PDE4D: variants seen among roughly 807,000 people sequenced by gnomAD.
PDE4D encodes the protein phosphodiesterase 4D, also known as 3',5'-cyclic-AMP phosphodiesterase 4D.
PDE4D carries 24 observed loss-of-function variants against 87.4 expected under a neutral mutation model. That is an observed-to-expected ratio of 0.27 (90% CI 0.20 to 0.39). The LOEUF (loss-of-function observed/expected upper bound fraction) is 0.39, where lower values mean the gene tolerates loss of function less well. Ranked by LOEUF, PDE4D falls within the 10% of genes least tolerant of loss-of-function variation. PDE4D has a pLI of 1.00. For synonymous variants in PDE4D, 384 were observed against 383.2 expected (o/e 1.00, Z -0.02); for missense variants, 714 against 1,041.0 (o/e 0.69, Z 4.32).
chr5:59,001,851 G>C (rs1031984736), intron 6 of PDE4D, among the ~76,000 whole-genome samples: 11 of 152,286 alleles, frequency 7.2e-5, no homozygotes, highest in Middle Eastern at 3.4e-3. Flanking sequence ...ATTTCTTCCA[G>C]TATCTCAGAT....
At chr5:60,171,717 T>A (rs1357003048) in intron 2 of PDE4D, among the ~76,000 whole-genome samples, 1 of 152,090 alleles carries the variant, frequency 6.6e-6, no homozygotes, top group African/African-American at 2.4e-5. Context: ...TGGCCACTTA[T>A]CTTGGAGAAA....
intron 1 of PDE4D, among the ~76,000 whole-genome samples, chr5:59,865,736 CTATTATT>C (rs1267980647): frequency 6.6e-6 from 1 of 152,150 alleles, no homozygotes; most frequent in Admixed American, 6.5e-5. Flanking sequence ...TGATGACAAA[CTATTATT>C]TATTGAGTGC....
At position 60,422,688 on chromosome 5, in the gene PDE4D, A is replaced by G. The variant is rs535552047; in HGVS notation, c.-90+65254T>C. Among the ~76,000 whole-genome samples the G allele has an allele frequency of 2.4e-4, 36 of 152,340 alleles. 2 individuals are homozygous for G. In the South Asian group the frequency reaches 7.1e-3, roughly 30 times the overall value. On this transcript the variant is annotated intron_variant, in intron 1 of 16. Transcript: ENST00000502484. ...CATAATGACAGGATCAAATTCACAC[A>G]TAACAATATTAACCTTAAATGTAAA...
At chr5:60,428,777 G>A (rs1364803342) in intron 1 of PDE4D, among the ~76,000 whole-genome samples, 2 of 152,158 alleles carry the variant, frequency 1.3e-5, no homozygotes, top group Non-Finnish European at 2.9e-5. Flanking sequence ...TTACCATTGT[G>A]TTACCAATGC....
chr5:60,392,440 C>T (rs1004221026), intron 1 of PDE4D, among the ~76,000 whole-genome samples: 6 of 152,190 alleles, frequency 3.9e-5, no homozygotes, highest in African/African-American at 1.2e-4. Flanking sequence ...GTAAGCCTCA[C>T]CTCTTTCATT....
At chr5:59,245,087 G>A (rs1758580230) in intron 1 of PDE4D, among the ~76,000 whole-genome samples, 1 of 152,034 alleles carries the variant, frequency 6.6e-6, no homozygotes, top group South Asian at 2.1e-4. Flanking sequence ...GCAAGGTGAA[G>A]CATATCTGCA....
rs564558286 is a variant in PDE4D at position 60,121,391 on chromosome 5, G to A, written c.42+64166C>T. 7.2e-5 allele frequency among the ~76,000 whole-genome samples: 11 copies of A among 152,028 alleles called. No individual in the cohort carries two copies. In the South Asian group the frequency reaches 1.9e-3, roughly 26 times the overall value. On this transcript the variant is annotated intron_variant, in intron 2 of 16. Coordinates refer to the PDE4D transcript ENST00000502484. ...TTGTATTAGTCTGTTTTCATGTGGCGATAAAGACATACCCAAGACTGGGAA... is the reference window on the plus strand; with the variant it reads ...TTGTATTAGTCTGTTTTCATGTGGCAATAAAGACATACCCAAGACTGGGAA...
At chr5:60,147,351 G>A (rs1297184316) in intron 2 of PDE4D, among the ~76,000 whole-genome samples, 1 of 152,020 alleles carries the variant, frequency 6.6e-6, no homozygotes, top group Non-Finnish European at 1.5e-5. Context: ...AGATCACAAT[G>A]GTGACCAAGT....
chr5:59,404,382 G>A (rs1255120366), intron 1 of PDE4D, among the ~76,000 whole-genome samples: 1 of 151,468 alleles, frequency 6.6e-6, no homozygotes, highest in Non-Finnish European at 1.5e-5. Context: ...GCTCAGGCCA[G>A]GCGCAGTGGC....
chr5:59,851,564 G>A (rs1744665450), intron 1 of PDE4D, among the ~76,000 whole-genome samples: 1 of 151,902 alleles, frequency 6.6e-6, no homozygotes, highest in Non-Finnish European at 1.5e-5. Flanking sequence ...CCACTCCTTT[G>A]ATTCTGTTTT....
chr5:60,497,078 A>G (rs1446673553), intron 1 of PDE4D, among the ~76,000 whole-genome samples: 1 of 152,208 alleles, frequency 6.6e-6, no homozygotes, highest in Non-Finnish European at 1.5e-5. Flanking sequence ...ACATAAATGT[A>G]TTTTTACATT....
chr5:59,509,185 A>G (rs1809823552), intron 1 of PDE4D, among the ~76,000 whole-genome samples: 1 of 152,040 alleles, frequency 6.6e-6, no homozygotes, highest in Non-Finnish European at 1.5e-5. Flanking sequence ...AAAAAGAAAA[A>G]AGTAACACTG....
intron 1 of PDE4D, among the ~76,000 whole-genome samples, chr5:59,574,138 ATATATAAATATATATT>A (rs1561242201): frequency 0.17 from 790 of 4,726 alleles, 27 homozygotes; most frequent in African/African-American, 0.24. Flanking sequence ...TTATATATAT[ATATATAAATATATATT>A]TATATATATA....
intron 1 of PDE4D, among the ~76,000 whole-genome samples, chr5:59,707,899 A>C (rs1219070529): frequency 6.6e-6 from 1 of 152,150 alleles, no homozygotes; most frequent in Non-Finnish European, 1.5e-5. Context: ...TGCTATTGTG[A>C]ATAGTGCTGT....
intron 1 of PDE4D, among the ~76,000 whole-genome samples, chr5:59,856,524 TAC>T (rs1745467136): frequency 6.6e-6 from 1 of 152,138 alleles, no homozygotes; most frequent in African/African-American, 2.4e-5. Flanking sequence ...TACGGGAAAA[TAC>T]ACAGTCACAG....
intron 2 of PDE4D, among the ~76,000 whole-genome samples, chr5:59,200,617 G>A (rs1294119304): frequency 2.2e-5 from 3 of 133,380 alleles, no homozygotes; most frequent in East Asian, 4.5e-4. Flanking sequence ...ACAGATACAC[G>A]TATACATACA....
chr5:59,818,543 G>A (rs1455074384), intron 1 of PDE4D, among the ~76,000 whole-genome samples: 3 of 152,144 alleles, frequency 2.0e-5, no homozygotes, highest in African/African-American at 7.2e-5. Flanking sequence ...AATCTTTTCT[G>A]AGCATCTTGG....
intron 1 of PDE4D, among the ~76,000 whole-genome samples, chr5:59,441,428 A>C (rs1398761422): frequency 6.6e-6 from 1 of 152,202 alleles, no homozygotes; most frequent in Non-Finnish European, 1.5e-5. Flanking sequence ...ACCTCAGATT[A>C]TCTAAACAGG....
Position 60,447,968 on chromosome 5 carries a change from ATTTGGGTTGGGTT to A in PDE4D, c.-90+39961_-90+39973del, listed in dbSNP as rs377341414. 1.2e-3 allele frequency among the ~76,000 whole-genome samples: 188 copies of A among 152,244 alleles called. 1 individual carries two copies. The highest frequency in any genetic ancestry group is 4.5e-3 in the African/African-American group (185 of 41,562). ...GTTTATAGTATAGTCTAACTCAATT[ATTTGGGTTGGGTT>A]TTCTCATGATTTTGCTTATTATCAT... On this transcript the variant is annotated intron_variant, in intron 1 of 16. Coordinates refer to the PDE4D transcript ENST00000502484.
Sources: gnomAD v4.1 joint callset for allele counts (sites outside exome capture counted in the v4.1 genomes callset) on GRCh38, gnomAD v4.1.1 for gene constraint, MANE v1.5 for transcripts, NCBI Gene and HGNC (gene_info 2026-07-23, HGNC 2026-07-21) for gene names.